BPIFB4: variants seen among roughly 807,000 people sequenced by gnomAD.
The protein encoded by BPIFB4 is BPI fold-containing family B member 4.
Under a neutral mutation model 69.2 loss-of-function variants are expected in BPIFB4, and 62 were observed. The observed-to-expected ratio is 0.90, with a 90% CI of 0.73 to 1.11. The LOEUF (loss-of-function observed/expected upper bound fraction) is 1.11, where lower values mean the gene tolerates loss of function less well. BPIFB4 is among the 50% of genes least tolerant of loss of function. The pLI, the probability that BPIFB4 is intolerant of heterozygous loss-of-function variation, is 0.00. For synonymous variants in BPIFB4, 330 were observed against 332.7 expected (o/e 0.99, Z 0.09); for missense variants, 789 against 792.0 (o/e 1.00, Z 0.04).
intron 14 of BPIFB4, among the ~76,000 whole-genome samples, chr20:33,101,117 G>A (rs189934246): frequency 6.6e-6 from 1 of 152,294 alleles, no homozygotes; most frequent in East Asian, 1.9e-4. Flanking sequence ...GACATACCAG[G>A]CTCTGCTCTA....
chr20:33,086,860 G>T (rs1981445285), intron 7 of BPIFB4, among the ~76,000 whole-genome samples: 2 of 152,184 alleles, frequency 1.3e-5, no homozygotes, highest in Non-Finnish European at 2.9e-5. Context: ...TGGTGCTCTT[G>T]GATGAGTACA....
chr20:33,081,297 T>A (rs972593691), intron 2 of BPIFB4, among the ~76,000 whole-genome samples: 2 of 152,234 alleles, frequency 1.3e-5, no homozygotes, highest in African/African-American at 4.8e-5. Flanking sequence ...GTTTAATGGG[T>A]CTGCTTTGTG....
intron 10 of BPIFB4, 90 bp downstream of exon 10, chr20:33,090,889 G>A: frequency 6.7e-7 from 1 of 1,491,754 alleles, no homozygotes; most frequent in South Asian, 1.2e-5. Flanking sequence ...TCTGCTGAAT[G>A]CCTGGGAAGT....
At position 33,100,488 on chromosome 20, in the gene BPIFB4, G is replaced by A; in HGVS notation, c.1632G>A (p.Leu544=). Residue 544 remains leucine, a synonymous_variant, in exon 14 of 18, where the codon CTG becomes CTA. Coordinates refer to ENST00000375483, the MANE Select transcript of BPIFB4 (RefSeq NM_182519.3). ...ATAAGCTCATGATTGATGCCAAGCT[G>A]GAGAAGTAAGGGGCTATGCTGCCTT... ...EGDKLMIDAK[L]EKTSLNLRTS... The A allele has an allele frequency of 6.2e-7, 1 of 1,607,334 alleles. No homozygotes were observed. Among genetic ancestry groups the A allele is most frequent in the Non-Finnish European group, 8.5e-7 (1 of 1,173,854 alleles).
chr20:33,108,300 A>G (rs892099946), intron 17 of BPIFB4, among the ~76,000 whole-genome samples: 1 of 151,982 alleles, frequency 6.6e-6, no homozygotes, highest in Admixed American at 6.6e-5. Flanking sequence ...TAATCATGGC[A>G]GGTGCTTTGA....
In BPIFB4 at chr20:33,082,965, A is replaced by C; in HGVS notation, c.134A>C (p.Asp45Ala). The C allele has an allele frequency of 6.2e-7, 1 of 1,612,866 alleles. No homozygotes were observed. Among genetic ancestry groups the C allele is most frequent in the African/African-American group, 1.3e-5 (1 of 74,586 alleles). ...ATTTCAGGCATGCTGCAGCAAAGTGATGCTCTCCACTCGGCCCTGAGAGAG... is the reference window on the plus strand; with the variant it reads ...ATTTCAGGCATGCTGCAGCAAAGTGCTGCTCTCCACTCGGCCCTGAGAGAG... ...NAISGMLQQS[D>A]ALHSALREVP... The change falls in exon 4 of 18, where the codon GAT becomes GCT. Residue 45 changes from aspartate to alanine, a missense_variant. By Grantham distance (126) the Asp-to-Ala change is moderately radical. This residue lies in a region of BPIFB4 where 611 missense variants were observed against 575.4 expected (regional missense o/e 1.06). Coordinates refer to ENST00000375483, the MANE Select transcript of BPIFB4 (RefSeq NM_182519.3).
chr20:33,108,370 A>C (rs1162658654), intron 17 of BPIFB4, among the ~76,000 whole-genome samples: 5 of 150,400 alleles, frequency 3.3e-5, no homozygotes, highest in Non-Finnish European at 7.4e-5. Flanking sequence ...AATATCTGAA[A>C]TTTGGAAAAT....
At chr20:33,106,778 G>A (rs1982070948) in intron 16 of BPIFB4, among the ~76,000 whole-genome samples, 4 of 152,122 alleles carry the variant, frequency 2.6e-5, no homozygotes, top group Admixed American at 2.0e-4. Context: ...AGTCGTTTGG[G>A]GTCCAGAAAA....
chr20:33,086,144 CA>C lies in BPIFB4; in HGVS notation c.909del (p.Val304SerfsTer15). The C allele has an allele frequency of 6.2e-7, 1 of 1,606,836 alleles. No individual in the cohort carries two copies. The highest frequency in any genetic ancestry group is 8.5e-7 in the Non-Finnish European group (1 of 1,174,008). On this transcript the variant is annotated frameshift_variant, in exon 7 of 18. Transcript: ENST00000375483. LOFTEE classifies it high-confidence loss of function. ...GATGTGACACCCTCCTAGGGGGCAT[CA>C]AAGTCAAGCTGCTGCGAGGGTGAGT... ...ERCDTLLGGI[K>X]VKLLRGLLPN...
At position 33,108,244 on chromosome 20, in the gene BPIFB4, G is replaced by C. The variant is rs73904459; in HGVS notation, c.1821+424G>C. ...CTTGCAAAGCTCTCTTAGCCCAATG[G>C]GGAGATGGCCTTTTGGTAAATATTC... On this transcript the variant is annotated intron_variant, in intron 17 of 17. Coordinates refer to ENST00000375483, the MANE Select transcript of BPIFB4 (RefSeq NM_182519.3). Among the ~76,000 whole-genome samples, 766 of 152,158 alleles carry C rather than the reference G, an allele frequency of 5.0e-3. 8 individuals are homozygous for C. The highest frequency in any genetic ancestry group is 0.018 in the African/African-American group (737 of 41,496).
At position 33,111,514 on chromosome 20, in the gene BPIFB4, C is replaced by T. The variant is rs1982237986; in HGVS notation, c.*77C>T. On this transcript the variant is annotated 3_prime_UTR_variant, in exon 18 of 18. Transcript: ENST00000375483. ...AGAGAGGCTCGGCCTGGAAACAGTC[C>T]CCTGCCCAGAGTCCCCTCAGCCTCC... 2.5e-6 allele frequency: 4 copies of T among 1,572,036 alleles called. No individual in the cohort carries two copies. The highest frequency in any genetic ancestry group is 2.7e-5 in the African/African-American group (2 of 74,168).
At position 33,081,450 on chromosome 20, in the gene BPIFB4, C is replaced by T. The variant is rs563359107; in HGVS notation, c.-15-62C>T. 14 of 1,532,922 alleles carry T rather than the reference C, an allele frequency of 9.1e-6. No homozygotes were observed. In the South Asian group the frequency reaches 1.6e-4, roughly 18 times the overall value. 95.0% of individuals were successfully genotyped at this position (1,532,922 alleles called of 1,614,324 possible). A position where few individuals can be genotyped will look rare whatever the true frequency, so the allele number is the denominator to read the frequency against. ...GACTCTTGGCTGGGGCTGCCTAGTGCTACCTGCTGGCCAGGGTGGTGGCGC... is the reference window on the plus strand; with the variant it reads ...GACTCTTGGCTGGGGCTGCCTAGTGTTACCTGCTGGCCAGGGTGGTGGCGC... On this transcript the variant is annotated intron_variant, in intron 2 of 17. Transcript: ENST00000375483.
intron 12 of BPIFB4, among the ~76,000 whole-genome samples, chr20:33,096,867 C>T (rs1046323885): frequency 2.5e-4 from 38 of 152,204 alleles, no homozygotes; most frequent in Non-Finnish European, 1.5e-4. Context: ...GCCCATTTCT[C>T]TATGGTCAGT....
At position 33,083,873 on chromosome 20, in the gene BPIFB4, G is replaced by A. The variant is rs753448338; in HGVS notation, c.676G>A (p.Gly226Arg). 1 of 1,599,966 alleles carries A rather than the reference G, an allele frequency of 6.3e-7. No homozygotes were observed. Among genetic ancestry groups the A allele is most frequent in the Non-Finnish European group, 8.5e-7 (1 of 1,171,482 alleles). Residue 226 changes from glycine to arginine, a missense_variant and splice_region_variant, in exon 5 of 18, where the codon GGG (glycine) becomes AGG (arginine). Gly to Arg is a moderately radical substitution (Grantham distance 125, BLOSUM62 -2). This residue lies in a region of BPIFB4 where 611 missense variants were observed against 575.4 expected (regional missense o/e 1.06). Transcript: ENST00000375483. Reference sequence around the variant, plus strand: ...CCTCAGCACTGTGCAAGGCATCACGGGGTAAGGAGGGGACGGGTTCTCCCC... The same window carrying A: ...CCTCAGCACTGTGCAAGGCATCACGAGGTAAGGAGGGGACGGGTTCTCCCC... ...GILSTVQGIT[G>R]LRIVELTLPR...
intron 16 of BPIFB4, among the ~76,000 whole-genome samples, chr20:33,105,772 G>A (rs2424959): frequency 0.3 from 46,091 of 151,918 alleles, 7,139 homozygotes; most frequent in Middle Eastern, 0.38. Flanking sequence ...TCTCACTGGT[G>A]GGGAAAGTGG....
At chr20:33,107,252 G>T (rs28461256) in intron 16 of BPIFB4, among the ~76,000 whole-genome samples, 70,428 of 147,170 alleles carry the variant, frequency 0.48, 17,033 homozygotes, top group Non-Finnish European at 0.51. Context: ...GAAAAGAAAA[G>T]AAAAGAAGAG....
At chr20:33,086,670 G>T (rs1981439344) in intron 7 of BPIFB4, among the ~76,000 whole-genome samples, 1 of 152,178 alleles carries the variant, frequency 6.6e-6, no homozygotes, top group Admixed American at 6.5e-5. Context: ...CGTCCAACAG[G>T]GGTTGTGTGC....
At position 33,091,355 on chromosome 20, in the gene BPIFB4, G is replaced by A. The variant is rs150969616; in HGVS notation, c.1143+556G>A. ...GACAGCTTCAAGTTACCAACATGAC[G>A]TCAGTGGATGCAGAGTTGGGAAGAG... On this transcript the variant is annotated intron_variant, in intron 10 of 17. Coordinates refer to ENST00000375483, the MANE Select transcript of BPIFB4 (RefSeq NM_182519.3). Among the ~76,000 whole-genome samples the A allele has an allele frequency of 4.6e-4, 70 of 152,344 alleles. 1 individual carries two copies. Among genetic ancestry groups the A allele is most frequent in the Admixed American group, 1.2e-3 (18 of 15,302 alleles).
chr20:33,081,660 T>G, intron 3 of BPIFB4, 28 bp downstream of exon 3: 1 of 1,550,034 alleles, frequency 6.5e-7, no homozygotes, highest in Non-Finnish European at 8.7e-7. Flanking sequence ...GGGGTGAGGG[T>G]TGGCATGGGG....
Sources: allele counts gnomAD v4.1 joint callset (sites outside exome capture counted in the v4.1 genomes callset), GRCh38; gene constraint gnomAD v4.1.1; regional missense constraint gnomAD v4.1.1; transcripts MANE v1.5; gene names NCBI Gene and HGNC (gene_info 2026-07-23, HGNC 2026-07-21).